Variants in PAX7 observed in about 807,000 individuals in gnomAD.
PAX7 encodes the protein paired box protein Pax-7.
PAX7 carries 18 observed loss-of-function variants against 50.7 expected under a neutral mutation model. The ratio of observed to expected loss-of-function variants is 0.36; its 90% CI spans 0.25 to 0.53. PAX7 has a LOEUF of 0.53. Ranked by LOEUF, PAX7 falls within the 20% of genes least tolerant of loss-of-function variation. The probability of loss-of-function intolerance (pLI) is 0.93; values close to 1 mark genes in which losing one functional copy is unlikely to be tolerated. For missense variants in PAX7, 644 were observed against 702.9 expected (o/e 0.92, Z 0.95); for synonymous variants, 310 against 290.4 (o/e 1.07, Z -0.69).
chr1:18,697,340 C>T (rs1400415712), intron 5 of PAX7, among the ~76,000 whole-genome samples: 2 of 152,150 alleles, frequency 1.3e-5, no homozygotes, highest in African/African-American at 4.8e-5. Context: ...CGTTTATTTC[C>T]CTCTCTGTAA....
intron 7 of PAX7, among the ~76,000 whole-genome samples, chr1:18,720,255 C>T (rs1426839828): frequency 2.6e-5 from 4 of 152,154 alleles, no homozygotes; most frequent in South Asian, 2.1e-4. Flanking sequence ...AAGCTCCCTG[C>T]GATGACTCAA....
rs1205456293 is a variant in PAX7 at position 18,744,906 on chromosome 1, G to T, written c.1495G>T (p.Val499Leu). The T allele has an allele frequency of 1.3e-6, 2 of 1,552,826 alleles. No homozygotes were observed. The highest frequency in any genetic ancestry group is 2.7e-5 in the African/African-American group (2 of 73,130). The change falls in exon 9 of 9, where the codon GTG becomes TTG. Residue 499 changes from valine (V) to leucine (L), a missense_variant. Coordinates refer to ENST00000420770, the MANE Select transcript of PAX7 (RefSeq NM_001135254.2). ...EHSAVLGLLP[V>L]ETGQAY Reference sequence around the variant, plus strand: ...CTCTGCTGTGCTGGGACTCCTGCCTGTGGAAACTGGCCAGGCCTACTAGGG... The same window carrying T: ...CTCTGCTGTGCTGGGACTCCTGCCTTTGGAAACTGGCCAGGCCTACTAGGG...
chr1:18,709,697 A>C (rs2089327246), intron 7 of PAX7, among the ~76,000 whole-genome samples: 1 of 152,112 alleles, frequency 6.6e-6, no homozygotes, highest in South Asian at 2.1e-4. Flanking sequence ...CCAACCACCT[A>C]AGAAACATTT....
In PAX7 at chr1:18,636,146, G is replaced by A. The variant is rs2088151586; in HGVS notation, c.452-91G>A. Reference sequence around the variant, plus strand: ...AATGGATATCTGTAAGGAAGCAGGGGGCTTCCTGACTTTCTCCCAGGGGCC... The same window carrying A: ...AATGGATATCTGTAAGGAAGCAGGGAGCTTCCTGACTTTCTCCCAGGGGCC... On this transcript the variant is annotated intron_variant, in intron 3 of 8. Coordinates refer to ENST00000420770, the MANE Select transcript of PAX7 (RefSeq NM_001135254.2). This position sits in a 1 kb window ranked among gnomAD's most constrained non-coding sequence, Gnocchi z 5.1. The A allele has an allele frequency of 8.3e-6, 11 of 1,317,714 alleles. No homozygotes were observed. The South Asian group carries it at 1.5e-4, about 17-fold the overall frequency. 81.6% of individuals were successfully genotyped at this position (1,317,714 alleles called of 1,614,324 possible). A position where few individuals can be genotyped will look rare whatever the true frequency, so the allele number is the denominator to read the frequency against.
chr1:18,640,315 C>T (rs1052218186), intron 4 of PAX7, among the ~76,000 whole-genome samples: 1 of 152,108 alleles, frequency 6.6e-6, no homozygotes, highest in Admixed American at 6.5e-5. Flanking sequence ...CTGGAGGAAG[C>T]TGTTTTGATT....
At chr1:18,714,761 T>A (rs557865945) in intron 7 of PAX7, among the ~76,000 whole-genome samples, 2 of 152,334 alleles carry the variant, frequency 1.3e-5, no homozygotes, top group East Asian at 3.9e-4. Context: ...CTGGCCCGCC[T>A]CTCAGTTGTA....
At chr1:18,729,627 G>T (rs764231361) in intron 7 of PAX7, among the ~76,000 whole-genome samples, 12 of 152,208 alleles carry the variant, frequency 7.9e-5, no homozygotes, top group Non-Finnish European at 1.5e-5. Context: ...CCTGGATTCA[G>T]TTGTGTGTCC....
chr1:18,635,379 A>G lies in PAX7; in HGVS notation c.451+139A>G, dbSNP rs532794942. ...TGAGAAGTTGGGAGGAAAGGAGTAC[A>G]GAAAGGCAGAGTTAAGGCATAGGAG... On this transcript the variant is annotated intron_variant, in intron 3 of 8. Transcript: ENST00000420770. 5.5e-6 allele frequency: 5 copies of G among 917,084 alleles called. No individual in the cohort carries two copies. In the African/African-American group the frequency reaches 8.3e-5, roughly 15 times the overall value. 56.8% of individuals were successfully genotyped at this position (917,084 alleles called of 1,614,324 possible).
Position 18,735,850 on chromosome 1 carries a change from C to G in PAX7, c.1374C>G (p.Ala458=), listed in dbSNP as rs760844061. The change falls in exon 8 of 9, where the codon GCC becomes GCG. Residue 458 remains alanine, a synonymous_variant. Coordinates refer to ENST00000420770, the MANE Select transcript of PAX7 (RefSeq NM_001135254.2). This position sits in a 1 kb window ranked among gnomAD's most constrained non-coding sequence, Gnocchi z 4.0. ...STTGYSVDPV[A]GYQYGQYGQT... ...CCGGCTACAGCGTGGACCCCGTGGC[C>G]GGCTATCAGTACGGCCAGTACGGCC... 1.2e-6 allele frequency: 2 copies of G among 1,614,116 alleles called. No homozygotes were observed. The highest frequency in any genetic ancestry group is 2.2e-5 in the South Asian group (2 of 91,078).
intron 4 of PAX7, among the ~76,000 whole-genome samples, chr1:18,655,252 G>A (rs377293934): frequency 6.6e-5 from 10 of 152,184 alleles, no homozygotes; most frequent in Non-Finnish European, 1.2e-4. Flanking sequence ...CAAGGGCTGC[G>A]GCCGGTCCCA....
chr1:18,737,279 C>G (rs1327654428), intron 8 of PAX7, among the ~76,000 whole-genome samples: 1 of 152,232 alleles, frequency 6.6e-6, no homozygotes, highest in African/African-American at 2.4e-5. Context: ...AGGGTGTCCT[C>G]TCCCCCAGCC....
At chr1:18,687,254 T>C (rs934662851) in intron 4 of PAX7, among the ~76,000 whole-genome samples, 2 of 152,056 alleles carry the variant, frequency 1.3e-5, no homozygotes, top group African/African-American at 4.8e-5. Flanking sequence ...AAGGGTGTAT[T>C]GTTATCTTCA....
rs1424342587 is a variant in PAX7, at chr1:18,697,042, CA to C, written c.787-3610del. On this transcript the variant is annotated intron_variant, in intron 5 of 8. Coordinates refer to ENST00000420770, the MANE Select transcript of PAX7 (RefSeq NM_001135254.2). ...TAAATATGCATGCCTACTATGTAGC[CA>C]CAAAAACTAAAACTTAAAAAAAAGA... Among the ~76,000 whole-genome samples, 3 of 151,856 alleles carry C rather than the reference CA, an allele frequency of 2.0e-5. 1 individual carries two copies. The highest frequency in any genetic ancestry group is 7.3e-5 in the African/African-American group (3 of 41,314).
chr1:18,714,206 C>CAAATAAAT (rs10682105), intron 7 of PAX7, among the ~76,000 whole-genome samples: 52,731 of 144,728 alleles, frequency 0.36, 10,208 homozygotes, highest in Non-Finnish European at 0.41. Flanking sequence ...GGCTCCGTCT[C>CAAATAAAT]AAATAAATAA....
chr1:18,745,345 C>G lies in PAX7; in HGVS notation c.*416C>G, dbSNP rs1931389302. Reference sequence around the variant, plus strand: ...GCCCTAGCTAGAAGTGGAGGTGAAGCTTTCAGGGCTGCTCTCAGCTGGATG... The same window carrying G: ...GCCCTAGCTAGAAGTGGAGGTGAAGGTTTCAGGGCTGCTCTCAGCTGGATG... On this transcript the variant is annotated 3_prime_UTR_variant, in exon 9 of 9. Transcript: ENST00000420770. 1.1e-5 allele frequency: 3 copies of G among 265,374 alleles called. No individual in the cohort carries two copies. Among genetic ancestry groups the G allele is most frequent in the Non-Finnish European group, 2.2e-5 (3 of 136,910 alleles). The allele number at this position is 265,374 out of a possible 1,614,324, so 16.4% of individuals were successfully genotyped here. A position where few individuals can be genotyped will look rare whatever the true frequency, so the allele number is the denominator to read the frequency against.
chr1:18,640,913 G>T (rs1008029426), intron 4 of PAX7, among the ~76,000 whole-genome samples: 3 of 152,018 alleles, frequency 2.0e-5, no homozygotes, highest in African/African-American at 7.2e-5. Flanking sequence ...GGGGGCTCCC[G>T]GCGGAGGGGG....
intron 7 of PAX7, among the ~76,000 whole-genome samples, chr1:18,725,316 C>T (rs752664247): frequency 7.4e-6 from 1 of 134,652 alleles, no homozygotes; most frequent in Non-Finnish European, 1.6e-5. Flanking sequence ...CCCCCCCGCC[C>T]CACCAACACC....
chr1:18,686,245 C>G (rs1325794187), intron 4 of PAX7, among the ~76,000 whole-genome samples: 1 of 152,204 alleles, frequency 6.6e-6, no homozygotes, highest in Non-Finnish European at 1.5e-5. Context: ...CAGGTAGGAG[C>G]TGCAATTCTC....
At chr1:18,694,371 A>C (rs2089121948) in intron 5 of PAX7, among the ~76,000 whole-genome samples, 1 of 152,006 alleles carries the variant, frequency 6.6e-6, no homozygotes, top group African/African-American at 2.4e-5. Flanking sequence ...AGGCAGGAGA[A>C]TCGCTTGAAC....
Sources: allele counts gnomAD v4.1 joint callset (sites outside exome capture counted in the v4.1 genomes callset), GRCh38; gene constraint gnomAD v4.1.1; non-coding constraint Gnocchi (gnomAD v3.1); transcripts MANE v1.5; gene names NCBI Gene and HGNC (gene_info 2026-07-23, HGNC 2026-07-21).